Variants in WDR70 observed in about 807,000 individuals in gnomAD.
WDR70 encodes WD repeat-containing protein 70.
Under a neutral mutation model 88.6 loss-of-function variants are expected in WDR70, and 53 were observed. That is an observed-to-expected ratio of 0.60 (90% CI 0.48 to 0.75). WDR70 has a LOEUF of 0.75. WDR70 is among the 30% of genes least tolerant of loss of function. The pLI is 0.00. For missense variants in WDR70, 610 were observed against 823.2 expected, an observed-to-expected ratio of 0.74 and a Z score of 3.17; for synonymous variants, 280 against 270.0, an observed-to-expected ratio of 1.04 and a Z score of -0.36.
At chr5:37,596,967 T>C (rs1471109043) in intron 9 of WDR70, among the ~76,000 whole-genome samples, 1 of 152,100 alleles carries the variant, frequency 6.6e-6, no homozygotes, top group African/African-American at 2.4e-5. Flanking sequence ...ATATCGTGTG[T>C]AGTCTTTTGA....
intron 9 of WDR70, among the ~76,000 whole-genome samples, chr5:37,592,388 G>C (rs1000025834): frequency 6.6e-6 from 1 of 152,112 alleles, no homozygotes; most frequent in Non-Finnish European, 1.5e-5. Context: ...ATATGTCACT[G>C]ATAAGCATTT....
chr5:37,675,910 G>T (rs1235886958), intron 10 of WDR70, among the ~76,000 whole-genome samples: 5 of 152,018 alleles, frequency 3.3e-5, no homozygotes, highest in Admixed American at 6.5e-5. Flanking sequence ...TTTATTTCAT[G>T]GAGCAGTGGT....
chr5:37,646,620 AT>A (rs1288555023), intron 10 of WDR70, among the ~76,000 whole-genome samples: 2 of 151,992 alleles, frequency 1.3e-5, no homozygotes. Flanking sequence ...TTTGAAGGAT[AT>A]TTTCACTGTC....
chr5:37,387,077 C>T (rs1026187412), intron 3 of WDR70, among the ~76,000 whole-genome samples: 12 of 146,648 alleles, frequency 8.2e-5, no homozygotes, highest in African/African-American at 1.6e-4. Context: ...CCAGCCTGGG[C>T]GACGAGAGCA....
rs6868108 is a variant in WDR70, at chr5:37,411,200, C to T, written c.492+14630C>T. ...GGTCTCAAAACTCCTGGCCTCAAGCCGCTTTCCTGTCTTGGCCTCCCAAAG... is the reference window on the plus strand; with the variant it reads ...GGTCTCAAAACTCCTGGCCTCAAGCTGCTTTCCTGTCTTGGCCTCCCAAAG... On this transcript the variant is annotated intron_variant, in intron 5 of 17. Coordinates refer to ENST00000265107, the MANE Select transcript of WDR70 (RefSeq NM_018034.4). Among the ~76,000 whole-genome samples the T allele has an allele frequency of 3.6e-4, 54 of 152,010 alleles. 1 individual carries two copies. Among genetic ancestry groups the T allele is most frequent in the Non-Finnish European group, 6.9e-4 (47 of 68,018 alleles).
intron 17 of WDR70, among the ~76,000 whole-genome samples, chr5:37,751,218 G>A (rs941465454): frequency 6.6e-6 from 1 of 152,198 alleles, no homozygotes; most frequent in Non-Finnish European, 1.5e-5. Flanking sequence ...CCTTGTTGTA[G>A]CATGTTAGAA....
At chr5:37,643,029 T>A (rs1745145659) in intron 10 of WDR70, among the ~76,000 whole-genome samples, 2 of 152,116 alleles carry the variant, frequency 1.3e-5, no homozygotes, top group Non-Finnish European at 2.9e-5. Flanking sequence ...TTTGATTACC[T>A]ATGCTTGTGG....
At chr5:37,497,471 T>TTCCCTCTTCCCTTC (rs1740263929) in intron 8 of WDR70, among the ~76,000 whole-genome samples, 1 of 48,474 alleles carries the variant, frequency 2.1e-5, no homozygotes. Context: ...GTCTTCCCTT[T>TTCCCTCTTCCCTTC]CCTTCCCTCT....
intron 13 of WDR70, among the ~76,000 whole-genome samples, chr5:37,711,060 A>G (rs1275628911): frequency 1.3e-5 from 2 of 152,148 alleles, no homozygotes; most frequent in Admixed American, 6.5e-5. Flanking sequence ...GGTGATGGAA[A>G]AAACAAAATG....
chr5:37,421,607 AT>A (rs1317685889), intron 5 of WDR70, among the ~76,000 whole-genome samples: 6 of 152,104 alleles, frequency 3.9e-5, no homozygotes, highest in African/African-American at 1.2e-4. Context: ...CCTGTCTTAC[AT>A]TTTTAGTAAC....
chr5:37,721,348 G>T, intron 14 of WDR70, 133 bp downstream of exon 14: 1 of 757,134 alleles, frequency 1.3e-6, no homozygotes, highest in South Asian at 1.7e-5. Context: ...CTGGAACAAA[G>T]TAAAGCCTCA....
At chr5:37,388,632 C>T (rs1354016554) in intron 3 of WDR70, among the ~76,000 whole-genome samples, 7 of 148,624 alleles carry the variant, frequency 4.7e-5, no homozygotes, top group Non-Finnish European at 1.5e-5. Flanking sequence ...CCCAGCTGCT[C>T]GGGAGGCTTA....
intron 17 of WDR70, among the ~76,000 whole-genome samples, chr5:37,728,140 G>T: frequency 6.6e-6 from 1 of 151,804 alleles, no homozygotes; most frequent in East Asian, 1.9e-4. Context: ...TTGAGATCAG[G>T]AGTTCAAGAC....
intron 9 of WDR70, among the ~76,000 whole-genome samples, chr5:37,553,477 T>A (rs925555671): frequency 6.6e-6 from 1 of 152,212 alleles, no homozygotes; most frequent in Non-Finnish European, 1.5e-5. Context: ...ACCAACATTT[T>A]CTACAAAATA....
At position 37,531,587 on chromosome 5, in the gene WDR70, CTTTT is replaced by C. The variant is rs149831770; in HGVS notation, c.917+15014_917+15017del. On this transcript the variant is annotated intron_variant, in intron 9 of 17. Coordinates refer to ENST00000265107, the MANE Select transcript of WDR70 (RefSeq NM_018034.4). ...AAGCTGCTGTTGCTTTAAAGTTTTT[CTTTT>C]TTTTTTTTTTTTTTTTGTCTGATAT... Among the ~76,000 whole-genome samples, 169 of 77,740 alleles carry C rather than the reference CTTTT, an allele frequency of 2.2e-3. 2 individuals are homozygous for C. Among genetic ancestry groups the C allele is most frequent in the Middle Eastern group, 0.013 (2 of 152 alleles). 51.0% of individuals were successfully genotyped at this position (77,740 alleles called of 152,430 possible).
At chr5:37,380,580 G>C (rs1188553956) in intron 2 of WDR70, among the ~76,000 whole-genome samples, 2 of 151,982 alleles carry the variant, frequency 1.3e-5, no homozygotes, top group Non-Finnish European at 2.9e-5. Context: ...CTGACCTCGT[G>C]ATCCGCCCGT....
intron 9 of WDR70, among the ~76,000 whole-genome samples, chr5:37,598,880 C>T (rs1295595656): frequency 6.6e-6 from 1 of 152,188 alleles, no homozygotes; most frequent in Non-Finnish European, 1.5e-5. Flanking sequence ...ATCCAGAAGA[C>T]AAGAAAACGA....
chr5:37,743,860 G>A (rs529889505), intron 17 of WDR70, among the ~76,000 whole-genome samples: 5 of 152,292 alleles, frequency 3.3e-5, no homozygotes, highest in African/African-American at 7.2e-5. Flanking sequence ...TGAGGAATCC[G>A]GGCAGCCCAG....
chr5:37,491,086 T>C (rs1740054912), intron 8 of WDR70, among the ~76,000 whole-genome samples: 1 of 152,102 alleles, frequency 6.6e-6, no homozygotes, highest in African/African-American at 2.4e-5. Context: ...TCTCAGCTTG[T>C]CAGGGTTAAG....
Sources: gnomAD v4.1 joint callset for allele counts (sites outside exome capture counted in the v4.1 genomes callset) on GRCh38, gnomAD v4.1.1 for gene constraint, MANE v1.5 for transcripts, NCBI Gene and HGNC (gene_info 2026-07-23, HGNC 2026-07-21) for gene names.